The following DZANK1 variants were observed in gnomAD, a reference collection of about 807,000 sequenced individuals.
The protein encoded by DZANK1 is double zinc ribbon and ankyrin repeat-containing protein 1.
In DZANK1, 91 loss-of-function variants were observed where a neutral mutation model predicts 94.5. The ratio of observed to expected loss-of-function variants is 0.96; its 90% CI spans 0.81 to 1.15. The LOEUF (loss-of-function observed/expected upper bound fraction) is 1.15. Among genes scored for constraint, DZANK1 ranks in the 50% most tolerant of loss-of-function variants. The pLI is 0.00. For synonymous variants in DZANK1, 312 were observed against 325.3 expected (o/e 0.96, Z 0.44); for missense variants, 903 against 916.4 (o/e 0.99, Z 0.19).
chr20:18,445,509 T>C (rs995182986), intron 7 of DZANK1, among the ~76,000 whole-genome samples: 1 of 152,240 alleles, frequency 6.6e-6, no homozygotes, highest in African/African-American at 2.4e-5. Flanking sequence ...ATATTTATAG[T>C]ACACTCATTC....
chr20:18,422,150 A>G (rs751643490), intron 10 of DZANK1, among the ~76,000 whole-genome samples: 2 of 152,152 alleles, frequency 1.3e-5, no homozygotes, highest in African/African-American at 4.8e-5. Flanking sequence ...GACTAATGTC[A>G]TAAGCTTTTT....
chr20:18,394,626 C>T (rs761651967), intron 15 of DZANK1: 2 of 618,520 alleles, frequency 3.2e-6, no homozygotes, highest in African/African-American at 1.8e-5. Flanking sequence ...TCACAATAGC[C>T]TTTCAACAGG....
intron 6 of DZANK1, among the ~76,000 whole-genome samples, chr20:18,450,073 G>A (rs917748204): frequency 7.3e-5 from 10 of 136,068 alleles, no homozygotes; most frequent in African/African-American, 1.9e-4. Context: ...GTGAAACTCC[G>A]TCTCAAATAA....
chr20:18,448,857 A>G (rs2058983780), intron 7 of DZANK1, 127 bp downstream of exon 7: 1 of 624,630 alleles, frequency 1.6e-6, no homozygotes, highest in East Asian at 3.1e-5. Context: ...ACAGAGTGAG[A>G]CTCCGTCTCA....
At chr20:18,461,663 G>A (rs1221928161) in intron 2 of DZANK1, among the ~76,000 whole-genome samples, 5 of 149,946 alleles carry the variant, frequency 3.3e-5, no homozygotes, top group African/African-American at 4.9e-5. Flanking sequence ...GCAGTGGTGC[G>A]ATCTTAGCTC....
chr20:18,408,335 C>G (rs1568915375), intron 13 of DZANK1, among the ~76,000 whole-genome samples: 2 of 151,886 alleles, frequency 1.3e-5, no homozygotes, highest in Admixed American at 1.3e-4. Context: ...AACAAACAAA[C>G]AAAAAAACCA....
intron 4 of DZANK1, 71 bp downstream of exon 4, chr20:18,455,176 G>A (rs2059240215): frequency 1.7e-6 from 2 of 1,156,680 alleles, no homozygotes; most frequent in South Asian, 2.7e-5. Context: ...TAAAAGGCAA[G>A]ATCTGCTCAC....
At chr20:18,402,219 G>A (rs1383240121) in intron 13 of DZANK1, among the ~76,000 whole-genome samples, 2 of 152,120 alleles carry the variant, frequency 1.3e-5, no homozygotes, top group East Asian at 1.9e-4. Flanking sequence ...TGACCATCAG[G>A]TGATGGTCAG....
chr20:18,462,985 T>C (rs1868972203), intron 2 of DZANK1, among the ~76,000 whole-genome samples: 1 of 150,102 alleles, frequency 6.7e-6, no homozygotes, highest in African/African-American at 2.4e-5. Flanking sequence ...TGAAATACCA[T>C]TCAAGCTAGC....
intron 9 of DZANK1, 111 bp downstream of exon 9, chr20:18,433,541 C>CAAAA: frequency 5.2e-6 from 4 of 770,422 alleles, no homozygotes; most frequent in Non-Finnish European, 7.8e-6. Context: ...GATTCTGTCT[C>CAAAA]AAAAAAAAAA....
At chr20:18,398,416 G>A (rs2056480041) in intron 14 of DZANK1, 107 bp downstream of exon 14, 1 of 952,372 alleles carries the variant, frequency 1.1e-6, no homozygotes, top group Admixed American at 1.8e-5. Context: ...AGCAGAGCAG[G>A]AAAGGGAAAG....
intron 3 of DZANK1, among the ~76,000 whole-genome samples, chr20:18,459,155 T>C (rs556917731): frequency 7.9e-5 from 12 of 152,238 alleles, no homozygotes; most frequent in Non-Finnish European, 1.8e-4. Flanking sequence ...CACCAGAGTA[T>C]TGAGGTTCTT....
At chr20:18,384,543 C>T in exon 21 of DZANK1, 1 of 1,605,320 alleles carries the variant, frequency 6.2e-7, no homozygotes, top group South Asian at 1.1e-5. Context: ...CTGCATTCTT[C>T]TTTTGGATGC....
chr20:18,462,642 T>C (rs2059508911), intron 2 of DZANK1, among the ~76,000 whole-genome samples: 1 of 152,120 alleles, frequency 6.6e-6, no homozygotes, highest in African/African-American at 2.4e-5. Flanking sequence ...TTATACACTA[T>C]TGGCAGGGAT....
At chr20:18,406,453 A>C (rs1461313664) in intron 13 of DZANK1, among the ~76,000 whole-genome samples, 1 of 152,206 alleles carries the variant, frequency 6.6e-6, no homozygotes, top group Non-Finnish European at 1.5e-5. Flanking sequence ...CTGGGCCAGA[A>C]GGGAACTCAC....
chr20:18,388,213 A>G (rs77761249), intron 19 of DZANK1, among the ~76,000 whole-genome samples: 3,821 of 152,314 alleles, frequency 0.025, 74 homozygotes, highest in African/African-American at 0.05. Flanking sequence ...CATGTGAGCT[A>G]CATACTGCCC....
chr20:18,396,801 G>C (rs924144654), intron 14 of DZANK1, among the ~76,000 whole-genome samples: 5 of 152,176 alleles, frequency 3.3e-5, no homozygotes, highest in Non-Finnish European at 7.3e-5. Flanking sequence ...TAAAGAGACT[G>C]CCAAATTGAA....
intron 17 of DZANK1, among the ~76,000 whole-genome samples, 173 bp from the exon 18 acceptor site, chr20:18,390,632 T>C (rs529601568): frequency 3.3e-5 from 5 of 152,318 alleles, no homozygotes; most frequent in African/African-American, 9.6e-5. Flanking sequence ...CCACATCTAA[T>C]ATCAATCTTG....
At chr20:18,419,390 T>C (rs2051907857) in intron 10 of DZANK1, among the ~76,000 whole-genome samples, 1 of 152,030 alleles carries the variant, frequency 6.6e-6, no homozygotes, top group African/African-American at 2.4e-5. Context: ...AAAGAAATCA[T>C]GGCCGAACAA....
Sources: allele counts gnomAD v4.1 joint callset (sites outside exome capture counted in the v4.1 genomes callset), GRCh38; gene constraint gnomAD v4.1.1; transcripts MANE v1.5; gene names NCBI Gene and HGNC (gene_info 2026-07-23, HGNC 2026-07-21).